The following POP1 variants were observed in gnomAD, a reference collection of about 807,000 sequenced individuals.
POP1 encodes the protein ribonucleases P/MRP protein subunit POP1.
Under a neutral mutation model 102.2 loss-of-function variants are expected in POP1, and 75 were observed. The ratio of observed to expected loss-of-function variants is 0.73; its 90% confidence interval spans 0.61 to 0.89. The LOEUF is 0.89. Ranked by LOEUF, POP1 falls within the 40% of genes least tolerant of loss-of-function variation. The pLI is 0.00. For missense variants in POP1, 1,116 were observed against 1,267.4 expected, an observed-to-expected ratio of 0.88 and a Z score of 1.81; for synonymous variants, 436 against 464.1, an observed-to-expected ratio of 0.94 and a Z score of 0.78.
chr8:98,134,553 G>A lies in POP1; in HGVS notation c.905G>A (p.Arg302Lys), dbSNP rs551305743. 4.3e-6 allele frequency: 7 copies of A among 1,614,208 alleles called. No homozygotes were observed. In the East Asian group the frequency reaches 1.1e-4, roughly 26 times the overall value. ...LVLYRVNKYPREMLGPVTFIW... is the reference protein window; with the variant it reads ...LVLYRVNKYPKEMLGPVTFIW... ...CTTTATCGGGTGAATAAATATCCCAGAGAAATGCTTGGGCCTGTTACGTTT... is the reference window on the plus strand; with the variant it reads ...CTTTATCGGGTGAATAAATATCCCAAAGAAATGCTTGGGCCTGTTACGTTT... The change falls in exon 7 of 16, where the codon AGA becomes AAA. Residue 302 changes from arginine (R) to lysine (K), a missense_variant. Arg to Lys is a conservative substitution (Grantham distance 26, BLOSUM62 2). Transcript: ENST00000401707.
chr8:98,136,365 C>T (rs919207700), intron 7 of POP1, 117 bp from the exon 8 acceptor site: 45 of 1,158,080 alleles, frequency 3.9e-5, no homozygotes, highest in African/African-American at 3.0e-4. Flanking sequence ...TATGAGCCAC[C>T]GTGCCTGGCC....
intron 1 of POP1, among the ~76,000 whole-genome samples, chr8:98,121,597 A>C (rs938513699): frequency 1.4e-5 from 2 of 144,712 alleles, no homozygotes; most frequent in Admixed American, 1.5e-4. Context: ...GGCTCAATGC[A>C]ACCTCCACCT....
At chr8:98,120,355 T>C (rs79752106) in intron 1 of POP1, among the ~76,000 whole-genome samples, 3,435 of 152,368 alleles carry the variant, frequency 0.023, 52 homozygotes, top group Non-Finnish European at 0.034. Context: ...ATTTCATTTA[T>C]TATTTAAGAA....
Position 98,156,302 on chromosome 8 carries a change from G to A in POP1, c.2310G>A (p.Glu770=), listed in dbSNP as rs140897325. Residue 770 remains glutamate (E), a synonymous_variant, in exon 15 of 16, where the codon GAG becomes GAA. Coordinates refer to ENST00000401707, the MANE Select transcript of POP1 (RefSeq NM_001145860.2). The part of the protein sequence containing the change: ...GTSIEHPREA[E]EVMDAGCQES... ...CCATAGAGCACCCCAGGGAGGCAGAGGAGGTAATGGATGCAGGGTGTCAAG... is the reference window on the plus strand; with the variant it reads ...CCATAGAGCACCCCAGGGAGGCAGAAGAGGTAATGGATGCAGGGTGTCAAG... The A allele has an allele frequency of 1.2e-6, 2 of 1,614,092 alleles. No individual in the cohort carries two copies. Among genetic ancestry groups the A allele is most frequent in the African/African-American group, 2.7e-5 (2 of 74,934 alleles).
intron 11 of POP1, among the ~76,000 whole-genome samples, chr8:98,143,571 C>T (rs188510591): frequency 6.6e-6 from 1 of 151,828 alleles, no homozygotes; most frequent in Non-Finnish European, 1.5e-5. Flanking sequence ...GATATATATA[C>T]TCTAAGTTTG....
chr8:98,123,457 A>C lies in POP1; in HGVS notation c.120A>C (p.Lys40Asn). Residue 40 changes from lysine (K) to asparagine (N), a missense_variant, in exon 2 of 16, where the codon AAA becomes AAC. Coordinates refer to ENST00000401707, the MANE Select transcript of POP1 (RefSeq NM_001145860.2). ...TAAAGCACCACAGTGGAGGTGAAAA[A>C]CCTTTCCAAGCTCAAAAACAAGGTA... ...RGVKHHSGGEKPFQAQKQEPH... is the reference protein window; with the variant it reads ...RGVKHHSGGENPFQAQKQEPH... 1 of 1,613,840 alleles carries C rather than the reference A, an allele frequency of 6.2e-7. No individual in the cohort carries two copies. The highest frequency in any genetic ancestry group is 8.5e-7 in the Non-Finnish European group (1 of 1,179,860).
chr8:98,143,692 CCT>C (rs1816768193), intron 11 of POP1, among the ~76,000 whole-genome samples: 1 of 152,152 alleles, frequency 6.6e-6, no homozygotes, highest in Non-Finnish European at 1.5e-5. Flanking sequence ...CCCCCCAAAT[CCT>C]CTGTGCTCTG....
chr8:98,138,250 A>G (rs1229861312), intron 9 of POP1, among the ~76,000 whole-genome samples: 2 of 152,182 alleles, frequency 1.3e-5, no homozygotes, highest in African/African-American at 4.8e-5. Context: ...AATTAAGATA[A>G]AATCCAAAGT....
chr8:98,117,370 A>T lies in POP1; in HGVS notation c.-23A>T. On this transcript the variant is annotated 5_prime_UTR_variant, in exon 1 of 16. Transcript: ENST00000401707. ...GGAGGCTTGTCATTCTGACCCGGGG[A>T]TTCCTCACAGCGTCTGGCAGGTTGG... 2.1e-6 allele frequency: 1 copy of T among 477,032 alleles called. No individual in the cohort carries two copies. The highest frequency in any genetic ancestry group is 3.6e-5 in the Admixed American group (1 of 27,452). 29.5% of individuals were successfully genotyped at this position (477,032 alleles called of 1,614,324 possible). A position where few individuals can be genotyped will look rare whatever the true frequency, so the allele number is the denominator to read the frequency against.
rs1181740319 is a variant in POP1, at chr8:98,157,715, T to G, written c.2519T>G (p.Leu840Trp). 6.2e-7 allele frequency: 1 copy of G among 1,614,196 alleles called. No individual in the cohort carries two copies. The highest frequency in any genetic ancestry group is 8.5e-7 in the Non-Finnish European group (1 of 1,180,042). Residue 840 changes from leucine to tryptophan, a missense_variant, in exon 16 of 16, where the codon TTG becomes TGG. By Grantham distance (61) the Leu-to-Trp change is moderately conservative (BLOSUM62 -2). Transcript: ENST00000401707. ...RRAPGRGQQG[L>W]TREACLSILG... ...GCTCCCGGCAGAGGCCAGCAAGGATTGACCAGAGAGGCTTGCCTGTCCATC... is the reference window on the plus strand; with the variant it reads ...GCTCCCGGCAGAGGCCAGCAAGGATGGACCAGAGAGGCTTGCCTGTCCATC...
At chr8:98,152,647 T>C (rs1809546354) in intron 14 of POP1, among the ~76,000 whole-genome samples, 2 of 152,264 alleles carry the variant, frequency 1.3e-5, no homozygotes, top group Non-Finnish European at 1.5e-5. Context: ...TCTTAGCTCA[T>C]GGGTCATACA....
At chr8:98,131,649 C>G (rs1477275844) in intron 5 of POP1, among the ~76,000 whole-genome samples, 1 of 126,272 alleles carries the variant, frequency 7.9e-6, no homozygotes, top group Admixed American at 8.1e-5. Context: ...TATGATAATT[C>G]TATGTTAATT....
chr8:98,121,936 C>T (rs1185495912), intron 1 of POP1, among the ~76,000 whole-genome samples: 1 of 152,152 alleles, frequency 6.6e-6, no homozygotes, highest in African/African-American at 2.4e-5. Context: ...CCGCCCGCCT[C>T]AGCCTCCCAA....
At chr8:98,125,192 T>G (rs1816161704) in intron 2 of POP1, among the ~76,000 whole-genome samples, 1 of 147,516 alleles carries the variant, frequency 6.8e-6, no homozygotes, top group Non-Finnish European at 1.5e-5. Context: ...TTTTTTTTTT[T>G]TTTTTTTTTT....
In POP1 at chr8:98,150,645, A is replaced by C. The variant is rs1809491365; in HGVS notation, c.2057+6A>C. On this transcript the variant is annotated splice_donor_region_variant and intron_variant, in intron 14 of 15. Transcript: ENST00000401707. ...CTTCTTGAAAAGTACAAAAGGTAAGAAACTGGCTTCTCTAATTTGATAATG... is the reference window on the plus strand; with the variant it reads ...CTTCTTGAAAAGTACAAAAGGTAAGCAACTGGCTTCTCTAATTTGATAATG... The C allele has an allele frequency of 3.7e-6, 6 of 1,613,926 alleles. No individual in the cohort carries two copies. The highest frequency in any genetic ancestry group is 1.3e-5 in the African/African-American group (1 of 75,054).
At chr8:98,141,042 A>T (rs1471299478) in intron 11 of POP1, among the ~76,000 whole-genome samples, 154 bp downstream of exon 11, 1 of 152,124 alleles carries the variant, frequency 6.6e-6, no homozygotes, top group African/African-American at 2.4e-5. Context: ...GCTGATTATG[A>T]TCTAAGGAAA....
chr8:98,148,855 C>T lies in POP1; in HGVS notation c.1751C>T (p.Ser584Leu), dbSNP rs367579919. The T allele has an allele frequency of 3.1e-6, 5 of 1,613,654 alleles. No individual in the cohort carries two copies. Among genetic ancestry groups the T allele is most frequent in the African/African-American group, 1.3e-5 (1 of 74,898 alleles). The change falls in exon 13 of 16, where the codon TCA (serine) becomes TTA (leucine). Residue 584 changes from serine to leucine, a missense_variant. Coordinates refer to ENST00000401707, the MANE Select transcript of POP1 (RefSeq NM_001145860.2). The part of the protein sequence containing the change: ...RMRSELLVPG[S>L]QLILGPHESK... ...AGGAGTGAATTGCTGGTGCCTGGGTCACAGCTTATTTTAGGTCCCCATGAA... is the reference window on the plus strand; with the variant it reads ...AGGAGTGAATTGCTGGTGCCTGGGTTACAGCTTATTTTAGGTCCCCATGAA...
chr8:98,130,855 C>T (rs1018693775), intron 5 of POP1, among the ~76,000 whole-genome samples: 1 of 152,170 alleles, frequency 6.6e-6, no homozygotes, highest in African/African-American at 2.4e-5. Context: ...AAATTTTAAA[C>T]GCTTTGAGAG....
chr8:98,135,285 A>G (rs945778533), intron 7 of POP1, among the ~76,000 whole-genome samples: 3 of 152,176 alleles, frequency 2.0e-5, no homozygotes, highest in Non-Finnish European at 2.9e-5. Flanking sequence ...CGAAAAAAAA[A>G]AAAACTAATC....
Sources: allele counts gnomAD v4.1 joint callset (sites outside exome capture counted in the v4.1 genomes callset), GRCh38; gene constraint gnomAD v4.1.1; transcripts MANE v1.5; gene names NCBI Gene and HGNC (gene_info 2026-07-23, HGNC 2026-07-21).